The following ARHGAP26 variants were observed in gnomAD, a reference collection of about 807,000 sequenced individuals.
ARHGAP26 encodes Rho GTPase activating protein 26.
ARHGAP26 carries 38 observed loss-of-function variants against 104.8 expected under a neutral mutation model. The observed-to-expected ratio is 0.36, with a 90% CI of 0.28 to 0.48. The LOEUF (loss-of-function observed/expected upper bound fraction) is 0.48. Ranked by LOEUF, ARHGAP26 falls within the 20% of genes least tolerant of loss-of-function variation. The pLI, the probability that ARHGAP26 is intolerant of heterozygous loss-of-function variation, is 0.99. For synonymous variants in ARHGAP26, 341 were observed against 340.0 expected (o/e 1.00, Z -0.03); for missense variants, 704 against 947.9 (o/e 0.74, Z 3.38).
chr5:142,933,400 G>A (rs887651556), intron 11 of ARHGAP26, among the ~76,000 whole-genome samples: 4 of 152,218 alleles, frequency 2.6e-5, no homozygotes, highest in African/African-American at 9.6e-5. Flanking sequence ...GGGAGGTTAA[G>A]TAACTTGCCC....
chr5:143,104,911 A>C (rs1793775454), intron 17 of ARHGAP26, among the ~76,000 whole-genome samples: 1 of 149,728 alleles, frequency 6.7e-6, no homozygotes. Flanking sequence ...AATAACATTT[A>C]GTTATTTCTG....
intron 4 of ARHGAP26, among the ~76,000 whole-genome samples, chr5:142,884,477 C>G (rs1202325356): frequency 6.6e-6 from 1 of 152,180 alleles, no homozygotes; most frequent in African/African-American, 2.4e-5. Flanking sequence ...ATAACTGTTA[C>G]CCCATTACCA....
chr5:142,851,213 C>G (rs1012104264), intron 1 of ARHGAP26, among the ~76,000 whole-genome samples: 6 of 151,898 alleles, frequency 4.0e-5, no homozygotes, highest in African/African-American at 1.5e-4. Context: ...TTTTCTGCCT[C>G]AGCCTCCCGA....
At chr5:143,073,841 G>A (rs1365140423) in intron 17 of ARHGAP26, among the ~76,000 whole-genome samples, 2 of 152,148 alleles carry the variant, frequency 1.3e-5, no homozygotes, top group African/African-American at 2.4e-5. Flanking sequence ...TTTAATGAGA[G>A]GAGCAGACTC....
chr5:143,057,786 T>C, intron 17 of ARHGAP26, 39 bp downstream of exon 17: 1 of 1,532,858 alleles, frequency 6.5e-7, no homozygotes, highest in Non-Finnish European at 9.0e-7. Context: ...TTCTTACCCC[T>C]GAAAGTTCTT....
At chr5:143,085,443 G>C (rs141865369) in intron 17 of ARHGAP26, among the ~76,000 whole-genome samples, 1,676 of 152,212 alleles carry the variant, frequency 0.011, 17 homozygotes, top group Non-Finnish European at 0.016. Flanking sequence ...GAGAGTTCCA[G>C]TTAATGGCAT....
chr5:143,031,023 G>A (rs1781762325), intron 12 of ARHGAP26, among the ~76,000 whole-genome samples: 1 of 152,142 alleles, frequency 6.6e-6, no homozygotes, highest in Non-Finnish European at 1.5e-5. Flanking sequence ...GAACGTCTGA[G>A]TGAGTTTCTT....
At chr5:143,093,157 T>C (rs950130631) in intron 17 of ARHGAP26, among the ~76,000 whole-genome samples, 5 of 152,208 alleles carry the variant, frequency 3.3e-5, no homozygotes, top group Admixed American at 6.5e-5. Flanking sequence ...CTTTTTTTTT[T>C]TTTGGACTTA....
chr5:142,979,219 CTT>C (rs1347347458), intron 11 of ARHGAP26, among the ~76,000 whole-genome samples: 1 of 152,180 alleles, frequency 6.6e-6, no homozygotes, highest in Non-Finnish European at 1.5e-5. Context: ...AGAAGTTTGT[CTT>C]TTTAATGTTT....
chr5:142,852,930 A>G (rs1751771128), intron 1 of ARHGAP26, among the ~76,000 whole-genome samples: 1 of 152,218 alleles, frequency 6.6e-6, no homozygotes, highest in South Asian at 2.1e-4. Context: ...CCTTTGGCAC[A>G]GAGATATCAG....
At chr5:143,018,270 A>G (rs1284391089) in intron 12 of ARHGAP26, among the ~76,000 whole-genome samples, 2 of 152,182 alleles carry the variant, frequency 1.3e-5, no homozygotes. Flanking sequence ...GCCAGTTTAA[A>G]TATGTTCTCA....
chr5:143,014,254 G>A, intron 12 of ARHGAP26, 138 bp downstream of exon 12: 2 of 892,286 alleles, frequency 2.2e-6, no homozygotes, highest in South Asian at 1.4e-5. Flanking sequence ...AGTGGGACAT[G>A]CCTCCACCCC....
chr5:142,967,596 A>T (rs577543860), intron 11 of ARHGAP26, among the ~76,000 whole-genome samples: 1 of 152,216 alleles, frequency 6.6e-6, no homozygotes, highest in Non-Finnish European at 1.5e-5. Flanking sequence ...CCTGGCTAAC[A>T]TGTTGAAACC....
intron 11 of ARHGAP26, among the ~76,000 whole-genome samples, chr5:142,939,924 G>T (rs1419326248): frequency 1.3e-5 from 2 of 152,188 alleles, no homozygotes; most frequent in Non-Finnish European, 2.9e-5. Context: ...GGGATACCTG[G>T]GTTCTATTTC....
chr5:142,966,227 T>C (rs188911213), intron 11 of ARHGAP26, among the ~76,000 whole-genome samples: 28 of 152,344 alleles, frequency 1.8e-4, no homozygotes, highest in African/African-American at 5.8e-4. Context: ...GGAGAGGGCA[T>C]GCACACCTAC....
chr5:143,123,838 A>G (rs1796413126), intron 18 of ARHGAP26, among the ~76,000 whole-genome samples: 1 of 152,230 alleles, frequency 6.6e-6, no homozygotes, highest in African/African-American at 2.4e-5. Context: ...CCTGGGTGAC[A>G]GTGAGATCCT....
At chr5:143,060,970 G>A (rs536753260) in intron 17 of ARHGAP26, among the ~76,000 whole-genome samples, 1 of 152,178 alleles carries the variant, frequency 6.6e-6, no homozygotes, top group Admixed American at 6.5e-5. Flanking sequence ...TTTTATTGTC[G>A]TGATTAAATT....
At chr5:143,149,241 A>G (rs545791520) in intron 20 of ARHGAP26, among the ~76,000 whole-genome samples, 1 of 152,092 alleles carries the variant, frequency 6.6e-6, no homozygotes, top group South Asian at 2.1e-4. Context: ...TTGTCTCTGG[A>G]GGAGAATTAG....
intron 17 of ARHGAP26, among the ~76,000 whole-genome samples, chr5:143,071,907 A>AAAAC (rs904393693): frequency 2.0e-5 from 3 of 152,192 alleles, no homozygotes; most frequent in Admixed American, 1.3e-4. Flanking sequence ...TCCATCTCAA[A>AAAAC]AAACAAACAA....
Sources: gnomAD v4.1 joint callset for allele counts (sites outside exome capture counted in the v4.1 genomes callset) on GRCh38, gnomAD v4.1.1 for gene constraint, MANE v1.5 for transcripts, NCBI Gene and HGNC (gene_info 2026-07-23, HGNC 2026-07-21) for gene names.